TSTD2: variants seen among roughly 807,000 people sequenced by gnomAD.
The protein encoded by TSTD2 is thiosulfate sulfurtransferase like domain containing 2, also known as thiosulfate sulfurtransferase/rhodanese-like domain-containing protein 2.
A neutral mutation model predicts 47.9 loss-of-function variants in TSTD2; 37 were observed. The ratio of observed to expected loss-of-function variants is 0.77; its 90% CI spans 0.59 to 1.02. TSTD2 has a LOEUF of 1.02. Ranked by LOEUF, TSTD2 falls within the 50% of genes least tolerant of loss-of-function variation. The pLI is 0.00. For synonymous variants in TSTD2, 201 were observed against 215.9 expected (o/e 0.93, Z 0.61); for missense variants, 586 against 616.0 (o/e 0.95, Z 0.52).
At position 97,601,152 on chromosome 9, in the gene TSTD2, C is replaced by T. The variant is rs1826249502; in HGVS notation, c.*1317G>A. On this transcript the variant is annotated 3_prime_UTR_variant, in exon 10 of 10. Coordinates refer to ENST00000341170, the MANE Select transcript of TSTD2 (RefSeq NM_139246.5). ...ATGGCCCAGGAGTGGCACCATGTTG[C>T]AGGGACAACCATCCCCATTTGGCTT... 3.1e-6 allele frequency: 4 copies of T among 1,302,600 alleles called. No homozygotes were observed. The highest frequency in any genetic ancestry group is 5.5e-5 in the East Asian group (1 of 18,032). 80.7% of individuals were successfully genotyped at this position (1,302,600 alleles called of 1,614,324 possible). A position where few individuals can be genotyped will look rare whatever the true frequency, so the allele number is the denominator to read the frequency against.
At chr9:97,617,979 AG>A in intron 3 of TSTD2, 102 bp from the exon 4 acceptor site, 1 of 1,446,672 alleles carries the variant, frequency 6.9e-7, no homozygotes, top group Non-Finnish European at 9.2e-7. Context: ...GGCTAAGATG[AG>A]GACACTCATG....
At chr9:97,618,463 G>T (rs1826580161) in intron 3 of TSTD2, among the ~76,000 whole-genome samples, 1 of 152,070 alleles carries the variant, frequency 6.6e-6, no homozygotes, top group South Asian at 2.1e-4. Flanking sequence ...CATCACTTCT[G>T]GGCCTTGGTT....
chr9:97,633,158 C>G (rs1189877908), intron 1 of TSTD2, 85 bp downstream of exon 1: 1 of 154,730 alleles, frequency 6.5e-6, no homozygotes, highest in Admixed American at 6.5e-5. Context: ...CAGGCCCCAC[C>G]CCGCATGCCG....
At chr9:97,603,725 G>A (rs1826313200) in intron 9 of TSTD2, among the ~76,000 whole-genome samples, 1 of 151,934 alleles carries the variant, frequency 6.6e-6, no homozygotes, top group African/African-American at 2.4e-5. Flanking sequence ...TTTGAGACAG[G>A]GTCTTGCTGT....
rs1826280945 is a variant in TSTD2, at chr9:97,602,546, G to A, written c.1474C>T (p.Leu492Phe). The change falls in exon 10 of 10, where the codon CTC becomes TTC. Residue 492 changes from leucine (L) to phenylalanine (F), a missense_variant. By Grantham distance (22) the Leu-to-Phe change is conservative. Coordinates refer to ENST00000341170, the MANE Select transcript of TSTD2 (RefSeq NM_139246.5). ...ACAGGCTGTCGCACATGCTGCAAGAGTTCCCTAGGTATGCGTGGCCGTCGG... is the reference window on the plus strand; with the variant it reads ...ACAGGCTGTCGCACATGCTGCAAGAATTCCCTAGGTATGCGTGGCCGTCGG... The part of the protein sequence containing the change: ...TARRPRIPRE[L>F]LQHVRQPVSP... 3.7e-6 allele frequency: 6 copies of A among 1,614,208 alleles called. No homozygotes were observed. The highest frequency in any genetic ancestry group is 5.1e-6 in the Non-Finnish European group (6 of 1,180,040).
Position 97,602,517 on chromosome 9 carries a change from G to T in TSTD2, c.1503C>A (p.Ser501Arg). ...ELLQHVRQPV[S>R]PEPGPDADED... Reference sequence around the variant, plus strand: ...CATCAGCATCAGGCCCTGGCTCTGGGCTCACAGGCTGTCGCACATGCTGCA... The same window carrying T: ...CATCAGCATCAGGCCCTGGCTCTGGTCTCACAGGCTGTCGCACATGCTGCA... The change falls in exon 10 of 10, where the codon AGC becomes AGA. Residue 501 changes from serine to arginine, a missense_variant. Physicochemically the swap from Ser to Arg is moderately radical, Grantham distance 110 (BLOSUM62 -1). Transcript: ENST00000341170. 1 of 1,613,946 alleles carries T rather than the reference G, an allele frequency of 6.2e-7. No homozygotes were observed. Among genetic ancestry groups the T allele is most frequent in the Non-Finnish European group, 8.5e-7 (1 of 1,179,886 alleles).
chr9:97,618,010 T>C (rs1056624582), intron 3 of TSTD2, 133 bp from the exon 4 acceptor site: 32 of 1,225,018 alleles, frequency 2.6e-5, no homozygotes, highest in Admixed American at 6.1e-5. Flanking sequence ...GCTGTGATGA[T>C]TGTTCTCCTC....
rs1331332743 is a variant in TSTD2, at chr9:97,625,649, A to C, written c.482+32T>G. On this transcript the variant is annotated intron_variant, in intron 3 of 9. Coordinates refer to ENST00000341170, the MANE Select transcript of TSTD2 (RefSeq NM_139246.5). ...TCATTGTGGTTGGAAAAATACTTTA[A>C]ATCAAACCAAAATACAGAATGAAAA... is the stretch of plus-strand genomic sequence containing the variant. The C allele has an allele frequency of 7.0e-6, 11 of 1,566,830 alleles. No homozygotes were observed. The African/African-American group carries it at 1.4e-4, about 19-fold the overall frequency.
In TSTD2 at chr9:97,627,348, T is replaced by C. The variant is rs141241489; in HGVS notation, c.165+50A>G. 2.0e-5 allele frequency: 31 copies of C among 1,514,772 alleles called. No homozygotes were observed. The East Asian group carries it at 6.0e-4, about 29-fold the overall frequency. 93.8% of individuals were successfully genotyped at this position (1,514,772 alleles called of 1,614,324 possible). Reference sequence around the variant, plus strand: ...CCTTGATAACCGACTTCCAAATGTATCTGCGTTAACCACACATACATGATC... The same window carrying C: ...CCTTGATAACCGACTTCCAAATGTACCTGCGTTAACCACACATACATGATC... On this transcript the variant is annotated intron_variant, in intron 2 of 9. Coordinates refer to ENST00000341170, the MANE Select transcript of TSTD2 (RefSeq NM_139246.5).
intron 4 of TSTD2, among the ~76,000 whole-genome samples, chr9:97,616,753 A>C (rs1227554386): frequency 6.6e-6 from 1 of 152,202 alleles, no homozygotes; most frequent in Non-Finnish European, 1.5e-5. Context: ...AAACTAGTTC[A>C]CTTCCTTTCG....
intron 3 of TSTD2, among the ~76,000 whole-genome samples, chr9:97,619,005 G>A (rs1019486585): frequency 1.3e-5 from 2 of 152,120 alleles, no homozygotes; most frequent in Admixed American, 6.5e-5. Context: ...TTTCTAACTA[G>A]TAAGTAAATT....
intron 3 of TSTD2, among the ~76,000 whole-genome samples, chr9:97,618,914 G>C (rs1826586319): frequency 6.6e-6 from 1 of 152,108 alleles, no homozygotes; most frequent in Non-Finnish European, 1.5e-5. Flanking sequence ...TAACAAGTTA[G>C]TCTCTGTAAC....
At chr9:97,603,816 C>T (rs1023863180) in intron 9 of TSTD2, among the ~76,000 whole-genome samples, 9 of 152,192 alleles carry the variant, frequency 5.9e-5, no homozygotes, top group African/African-American at 2.2e-4. Context: ...CCTCCTGCCT[C>T]AGCCTCCTGA....
intron 9 of TSTD2, 80 bp from the exon 10 acceptor site, chr9:97,602,847 A>G (rs562173338): frequency 6.4e-6 from 9 of 1,406,874 alleles, no homozygotes; most frequent in Admixed American, 2.3e-5. Flanking sequence ...TTTGCTGACT[A>G]GAATCTCGTA....
intron 3 of TSTD2, among the ~76,000 whole-genome samples, chr9:97,620,750 T>C (rs113120305): frequency 2.6e-5 from 4 of 152,244 alleles, no homozygotes; most frequent in East Asian, 3.9e-4. Context: ...CCCTAAAGAT[T>C]TGGGGAACTT....
At chr9:97,606,315 C>T (rs1826364955) in intron 6 of TSTD2, 54 bp from the exon 7 acceptor site, 2 of 1,065,586 alleles carry the variant, frequency 1.9e-6, no homozygotes, top group Non-Finnish European at 2.8e-6. Flanking sequence ...AACCAAAACC[C>T]AATCATGACT....
At position 97,610,345 on chromosome 9, in the gene TSTD2, C is replaced by T. The variant is rs939608755; in HGVS notation, c.835+1G>A. The T allele has an allele frequency of 2.5e-6, 4 of 1,603,106 alleles. No homozygotes were observed. The highest frequency in any genetic ancestry group is 3.4e-6 in the Non-Finnish European group (4 of 1,175,514). ...GCACAATCTTCTAAAAGCAAGCATA[C>T]CAGGCTTCTTGTAGGAGATCTTTTT... On this transcript the variant is annotated splice_donor_variant, in intron 6 of 9. Coordinates refer to ENST00000341170, the MANE Select transcript of TSTD2 (RefSeq NM_139246.5). LOFTEE classifies it high-confidence loss of function.
Position 97,601,119 on chromosome 9 carries a change from G to GC in TSTD2, c.*1349_*1350insG. 1 of 1,304,312 alleles carries GC rather than the reference G, an allele frequency of 7.7e-7. No individual in the cohort carries two copies. Among genetic ancestry groups the GC allele is most frequent in the Non-Finnish European group, 1.0e-6 (1 of 988,960 alleles). 80.8% of individuals were successfully genotyped at this position (1,304,312 alleles called of 1,614,324 possible). On this transcript the variant is annotated 3_prime_UTR_variant, in exon 10 of 10. Transcript: ENST00000341170. ...AGCGCTATGGAAGAGTGTCCACTGA[G>GC]GCTGCACATGGCCCAGGAGTGGCAC...
At chr9:97,628,639 G>A (rs937355577) in intron 1 of TSTD2, among the ~76,000 whole-genome samples, 1 of 152,150 alleles carries the variant, frequency 6.6e-6, no homozygotes, top group Non-Finnish European at 1.5e-5. Context: ...AAAAATGGCT[G>A]CAGCAGTATT....
Sources: gnomAD v4.1 joint callset for allele counts (sites outside exome capture counted in the v4.1 genomes callset) on GRCh38, gnomAD v4.1.1 for gene constraint, MANE v1.5 for transcripts, NCBI Gene and HGNC (gene_info 2026-07-23, HGNC 2026-07-21) for gene names.